The following DYNC1I1 variants were observed in gnomAD, a reference collection of about 807,000 sequenced individuals.
The protein encoded by DYNC1I1 is cytoplasmic dynein 1 intermediate chain 1.
Under a neutral mutation model 86.6 loss-of-function variants are expected in DYNC1I1, and 43 were observed. That is an observed-to-expected ratio of 0.50 (90% CI 0.39 to 0.64). The LOEUF (loss-of-function observed/expected upper bound fraction) is 0.64. DYNC1I1 is among the 30% of genes least tolerant of loss of function. The pLI is 0.00. For synonymous variants in DYNC1I1, 262 were observed against 283.7 expected, an observed-to-expected ratio of 0.92 and a Z score of 0.77; for missense variants, 604 against 788.8, an observed-to-expected ratio of 0.77 and a Z score of 2.81.
chr7:95,801,242 T>A (rs1490224514), intron 1 of DYNC1I1, among the ~76,000 whole-genome samples: 2 of 150,382 alleles, frequency 1.3e-5, no homozygotes, highest in African/African-American at 5.0e-5. Flanking sequence ...AATCTTTTTT[T>A]AAGTTCCCTC....
At chr7:95,920,279 A>AG (rs1400425606) in intron 6 of DYNC1I1, among the ~76,000 whole-genome samples, 1 of 152,196 alleles carries the variant, frequency 6.6e-6, no homozygotes, top group East Asian at 1.9e-4. Flanking sequence ...TCTAATCATG[A>AG]GAAAAACATC....
chr7:95,898,896 G>T (rs1356579975), intron 6 of DYNC1I1, among the ~76,000 whole-genome samples: 1 of 152,068 alleles, frequency 6.6e-6, no homozygotes, highest in African/African-American at 2.4e-5. Flanking sequence ...ATGGAAATGG[G>T]AATCTCTTTT....
At chr7:96,065,033 A>G (rs1789923324) in intron 14 of DYNC1I1, among the ~76,000 whole-genome samples, 1 of 152,198 alleles carries the variant, frequency 6.6e-6, no homozygotes. Flanking sequence ...TATCTCAAAC[A>G]TGGCCTAAAA....
chr7:96,090,224 T>G (rs540199402), intron 16 of DYNC1I1, among the ~76,000 whole-genome samples: 9 of 152,184 alleles, frequency 5.9e-5, no homozygotes, highest in African/African-American at 1.9e-4. Context: ...AATTAACTCT[T>G]TCTTCGGATA....
At chr7:96,090,689 C>A (rs1790814223) in intron 16 of DYNC1I1, among the ~76,000 whole-genome samples, 1 of 152,120 alleles carries the variant, frequency 6.6e-6, no homozygotes, top group Non-Finnish European at 1.5e-5. Context: ...ATCTGACCAC[C>A]ATAGGTAAGA....
At chr7:95,919,440 T>C (rs2116371373) in intron 6 of DYNC1I1, among the ~76,000 whole-genome samples, 1 of 152,344 alleles carries the variant, frequency 6.6e-6, no homozygotes, top group Non-Finnish European at 1.5e-5. Flanking sequence ...GTTTGATGTT[T>C]GGTTTCATGT....
chr7:95,831,440 T>C (rs1351146572), intron 5 of DYNC1I1, among the ~76,000 whole-genome samples: 2 of 152,192 alleles, frequency 1.3e-5, no homozygotes, highest in Non-Finnish European at 2.9e-5. Flanking sequence ...TGGTGTGATC[T>C]TGGCTCACTG....
chr7:96,026,043 A>T (rs1794674284), intron 10 of DYNC1I1, among the ~76,000 whole-genome samples: 1 of 152,200 alleles, frequency 6.6e-6, no homozygotes, highest in Admixed American at 6.5e-5. Flanking sequence ...GCAACATAAG[A>T]ATTTCATCAA....
chr7:95,981,342 G>GC (rs1793454091), intron 7 of DYNC1I1, among the ~76,000 whole-genome samples: 1 of 152,040 alleles, frequency 6.6e-6, no homozygotes, highest in African/African-American at 2.4e-5. Flanking sequence ...ATACAATCAT[G>GC]CTTGAAAGAT....
chr7:96,106,349 C>T (rs1162503404), intron 16 of DYNC1I1, among the ~76,000 whole-genome samples: 24 of 152,066 alleles, frequency 1.6e-4, no homozygotes, highest in Admixed American at 1.6e-3. Context: ...ACCTGACCAA[C>T]ATGGTGAAAC....
intron 6 of DYNC1I1, among the ~76,000 whole-genome samples, chr7:95,907,534 G>C (rs560073481): frequency 6.6e-6 from 1 of 152,066 alleles, no homozygotes; most frequent in Non-Finnish European, 1.5e-5. Context: ...TGTGCCTGTG[G>C]TCTTGCTCTT....
At chr7:95,939,996 G>T (rs1429101657) in intron 6 of DYNC1I1, among the ~76,000 whole-genome samples, 2 of 152,138 alleles carry the variant, frequency 1.3e-5, no homozygotes, top group Non-Finnish European at 1.5e-5. Flanking sequence ...AGGCCTGGTG[G>T]TGACAAAATC....
At chr7:96,071,142 A>G (rs1040685212) in intron 14 of DYNC1I1, among the ~76,000 whole-genome samples, 57 of 152,198 alleles carry the variant, frequency 3.7e-4, no homozygotes, top group Non-Finnish European at 1.5e-5. Flanking sequence ...TTTTTCATTA[A>G]AAACCACCCT....
intron 6 of DYNC1I1, among the ~76,000 whole-genome samples, chr7:95,945,581 A>C (rs1001871114): frequency 3.3e-5 from 5 of 152,220 alleles, no homozygotes; most frequent in African/African-American, 1.2e-4. Flanking sequence ...TTGTTTATAA[A>C]AAAAAGTGCT....
At chr7:95,889,243 A>G (rs985695220) in intron 6 of DYNC1I1, among the ~76,000 whole-genome samples, 1 of 152,230 alleles carries the variant, frequency 6.6e-6, no homozygotes, top group African/African-American at 2.4e-5. Flanking sequence ...AAAATTCAGA[A>G]TTTTCAAAAT....
chr7:95,835,971 C>T (rs1475290461), intron 5 of DYNC1I1, among the ~76,000 whole-genome samples: 4 of 152,172 alleles, frequency 2.6e-5, no homozygotes. Flanking sequence ...AGTCCATTTA[C>T]ATTTAAAGTT....
Position 95,984,906 on chromosome 7 carries a change from TGA to T in DYNC1I1, c.673_674del (p.Glu225LysfsTer5). 1 of 1,613,692 alleles carries T rather than the reference TGA, an allele frequency of 6.2e-7. No homozygotes were observed. Among genetic ancestry groups the T allele is most frequent in the Non-Finnish European group, 8.5e-7 (1 of 1,179,764 alleles). ...IFFDRTIRVI[E>X]RALAEDSDIF... ...TTTTTGACCGGACAATACGGGTAATTGAAAGAGCCCTGGCTGAAGATTCCGAC... is the reference window on the plus strand; with the variant it reads ...TTTTTGACCGGACAATACGGGTAATTAAGAGCCCTGGCTGAAGATTCCGAC... On this transcript the variant is annotated frameshift_variant, in exon 8 of 17. Coordinates refer to ENST00000447467, the MANE Select transcript of DYNC1I1 (RefSeq NM_001135556.2). LOFTEE classifies it high-confidence loss of function.
At chr7:96,089,512 A>T (rs1040326488) in intron 16 of DYNC1I1, among the ~76,000 whole-genome samples, 8 of 152,144 alleles carry the variant, frequency 5.3e-5, no homozygotes, top group Admixed American at 5.2e-4. Context: ...AGTTGCACAG[A>T]AAAGGATATT....
At chr7:95,801,924 C>A (rs1026984866) in intron 1 of DYNC1I1, among the ~76,000 whole-genome samples, 1 of 152,178 alleles carries the variant, frequency 6.6e-6, no homozygotes, top group Non-Finnish European at 1.5e-5. Context: ...GACCCTCAGT[C>A]GGACCTGGTG....
Sources: allele counts gnomAD v4.1 joint callset (sites outside exome capture counted in the v4.1 genomes callset), GRCh38; gene constraint gnomAD v4.1.1; transcripts MANE v1.5; gene names NCBI Gene and HGNC (gene_info 2026-07-23, HGNC 2026-07-21).